TTN: variants seen among roughly 807,000 people sequenced by gnomAD.
TTN encodes the protein connectin.
Under a neutral mutation model 3,223.0 loss-of-function variants are expected in TTN, and 1,525 were observed. That is an observed-to-expected ratio of 0.47 (90% CI 0.45 to 0.49). The LOEUF (loss-of-function observed/expected upper bound fraction) is 0.49, where lower values mean the gene tolerates loss of function less well. Ranked by LOEUF, TTN falls within the 20% of genes least tolerant of loss-of-function variation. The pLI is 0.00. For synonymous variants in TTN, 14,094 were observed against 15,161.0 expected, an observed-to-expected ratio of 0.93 and a Z score of 5.17; for missense variants, 40,786 against 43,424.0, an observed-to-expected ratio of 0.94 and a Z score of 5.40.
chr2:178,789,503 T>A lies in TTN; in HGVS notation c.1939-6A>T. 1.2e-6 allele frequency: 2 copies of A among 1,613,072 alleles called. No individual in the cohort carries two copies. Among genetic ancestry groups the A allele is most frequent in the Non-Finnish European group, 8.5e-7 (1 of 1,179,372 alleles). On this transcript the variant is annotated splice_region_variant and splice_polypyrimidine_tract_variant and intron_variant, in intron 12 of 362. Transcript: ENST00000589042. Reference sequence around the variant, plus strand: ...TTCTCGGCTTCCTTTCTCATCTGATTATTACAGTAAAATCAAGATTTAAGT... The same window carrying A: ...TTCTCGGCTTCCTTTCTCATCTGATAATTACAGTAAAATCAAGATTTAAGT...
Position 178,550,006 on chromosome 2 carries a change from T to G in TTN, c.91832A>C (p.Glu30611Ala). Reference sequence around the variant, plus strand: ...AGTACCTTGTACTTTCACTTTAATTTCTGCTTTTGCAGAACCAGATGCATT... The same window carrying G: ...AGTACCTTGTACTTTCACTTTAATTGCTGCTTTTGCAGAACCAGATGCATT... ...AKNASGSAKAEIKVKVQDTPG... is the reference protein window; with the variant it reads ...AKNASGSAKAAIKVKVQDTPG... Residue 30611 changes from glutamate to alanine, a missense_variant, in exon 337 of 363, where the codon GAA becomes GCA. By Grantham distance (107) the Glu-to-Ala change is moderately radical. Transcript: ENST00000589042. The G allele has an allele frequency of 6.2e-7, 1 of 1,608,590 alleles. No individual in the cohort carries two copies. Among genetic ancestry groups the G allele is most frequent in the Non-Finnish European group, 8.5e-7 (1 of 1,176,044 alleles).
In TTN at chr2:178,641,272, A is replaced by G; in HGVS notation, c.40602T>C (p.Pro13534=). The change falls in exon 220 of 363, where the codon CCT becomes CCC. Residue 13534 remains proline (P), a synonymous_variant. Transcript: ENST00000589042. ...RPEEEEPKVE[P]KKLEKVKKPA... is the part of the protein sequence containing the mutation. Reference sequence around the variant, plus strand: ...GTTTTTTAACTTTTTCTAGTTTTTTAGGTTCTACTTTAGGTTCTTCTTCTT... The same window carrying G: ...GTTTTTTAACTTTTTCTAGTTTTTTGGGTTCTACTTTAGGTTCTTCTTCTT... 1 of 1,512,542 alleles carries G rather than the reference A, an allele frequency of 6.6e-7. No individual in the cohort carries two copies. The highest frequency in any genetic ancestry group is 8.8e-7 in the Non-Finnish European group (1 of 1,132,134). 93.7% of individuals were successfully genotyped at this position (1,512,542 alleles called of 1,614,324 possible). A position where few individuals can be genotyped will look rare whatever the true frequency, so the allele number is the denominator to read the frequency against.
Position 178,590,253 on chromosome 2 carries a change from C to G in TTN, c.61472G>C (p.Gly20491Ala). Reference sequence around the variant, plus strand: ...TCGAGCTAGAATGCGGATAGTTTGGCCTACTCTCACGGTAATAACATCACG... The same window carrying G: ...TCGAGCTAGAATGCGGATAGTTTGGGCTACTCTCACGGTAATAACATCACG... ...TCRDVITVRV[G>A]QTIRILARVK... The change falls in exon 304 of 363, where the codon GGC becomes GCC. Residue 20491 changes from glycine to alanine, a missense_variant. By Grantham distance (60) the Gly-to-Ala change is moderately conservative. Transcript: ENST00000589042. 6.3e-7 allele frequency: 1 copy of G among 1,583,306 alleles called. No homozygotes were observed. The highest frequency in any genetic ancestry group is 8.6e-7 in the Non-Finnish European group (1 of 1,165,038).
At chr2:178,554,308 TTTTA>T (rs1003506799) in intron 332 of TTN, 92 bp from the exon 333 acceptor site, 7 of 1,445,720 alleles carry the variant, frequency 4.8e-6, no homozygotes, top group East Asian at 2.3e-5. Context: ...AGAACATTGG[TTTTA>T]TTTTTTATAT....
rs375958762 is a variant in TTN, at chr2:178,573,221, C to T, written c.72911G>A (p.Gly24304Glu). Residue 24304 changes from glycine to glutamate, a missense_variant, in exon 326 of 363, where the codon GGA (glycine) becomes GAA (glutamate). By Grantham distance (98) the Gly-to-Glu change is moderately conservative. Coordinates refer to ENST00000589042, the MANE Select transcript of TTN (RefSeq NM_001267550.2). ...ACTGGTAGGACTTGGTGCACTAATT[C>T]CAGCAGCATTTTCAGCCATAATCCT... ...EFRIMAENAA[G>E]ISAPSPTSPF... is the part of the protein sequence containing the mutation. The T allele has an allele frequency of 6.2e-7, 1 of 1,606,586 alleles. No homozygotes were observed. The highest frequency in any genetic ancestry group is 8.5e-7 in the Non-Finnish European group (1 of 1,175,354).
chr2:178,633,597 C>A lies in TTN; in HGVS notation c.42762G>T (p.Val14254=), dbSNP rs747807093. Residue 14254 remains valine (V), a synonymous_variant, in exon 232 of 363, where the codon GTG becomes GTT. Transcript: ENST00000589042. ...ACCATTTCACTGGTACATCTTTGCTCACTTCACACTTCAAAGTAATCTCAT... is the reference window on the plus strand; with the variant it reads ...ACCATTTCACTGGTACATCTTTGCTAACTTCACACTTCAAAGTAATCTCAT... ...EKDEITLKCE[V]SKDVPVKWFK... The A allele has an allele frequency of 1.9e-6, 3 of 1,613,302 alleles. No individual in the cohort carries two copies. The highest frequency in any genetic ancestry group is 4.5e-5 in the East Asian group (2 of 44,682).
intron 315 of TTN, 32 bp downstream of exon 315, chr2:178,581,874 A>G: frequency 6.2e-7 from 1 of 1,606,994 alleles, no homozygotes; most frequent in Non-Finnish European, 8.5e-7. Flanking sequence ...TGCTTTTAAC[A>G]CAGGATATGG....
chr2:178,666,931 G>C, intron 162 of TTN, 30 bp from the exon 163 acceptor site: 1 of 1,476,240 alleles, frequency 6.8e-7, no homozygotes, highest in Non-Finnish European at 9.1e-7. Flanking sequence ...TTTTTTAATT[G>C]AGAAAAGGCA....
In TTN at chr2:178,574,185, C is replaced by T; in HGVS notation, c.71947G>A (p.Glu23983Lys). 1.2e-6 allele frequency: 2 copies of T among 1,613,574 alleles called. No homozygotes were observed. The highest frequency in any genetic ancestry group is 1.7e-6 in the Non-Finnish European group (2 of 1,179,658). Residue 23983 changes from glutamate to lysine, a missense_variant, in exon 326 of 363, where the codon GAA (glutamate) becomes AAA (lysine). Physicochemically the swap from Glu to Lys is moderately conservative, Grantham distance 56. Transcript: ENST00000589042. ...TCTGTTAGGCCACTGACTGTAAATT[C>T]ATTCTCCAAAATGTTGCTGAAGTTG... ...KANFSNILEN[E>K]FTVSGLTEDA...
chr2:178,622,598 C>A, intron 243 of TTN, 72 bp downstream of exon 243: 1 of 1,249,304 alleles, frequency 8.0e-7, no homozygotes, highest in Non-Finnish European at 1.1e-6. Flanking sequence ...TTTTTTTTTT[C>A]CATTTTGGCT....
rs11888217 is a variant in TTN, at chr2:178,728,625, C to T, written c.19301G>A (p.Ser6434Asn). 70,797 of 1,613,134 alleles carry T rather than the reference C, an allele frequency of 0.044. 3,330 individuals are homozygous for T. The highest frequency in any genetic ancestry group is 0.17 in the Admixed American group (10,293 of 59,876). The change falls in exon 66 of 363, where the codon AGT (serine) becomes AAT (asparagine). Residue 6434 changes from serine (S) to asparagine (N), a missense_variant. By Grantham distance (46) the Ser-to-Asn change is conservative. Transcript: ENST00000589042. Reference protein sequence around the residue: ...QIVPSRYFSMSFENNVASFRI... With the variant: ...QIVPSRYFSMNFENNVASFRI... ...AAAACTGGCCACGTTATTTTCAAAA[C>T]TCATTGAAAAGTATCTACTGGGAAC...
intron 282 of TTN, among the ~76,000 whole-genome samples, chr2:178,602,795 G>A (rs2053787276): frequency 6.6e-6 from 1 of 151,838 alleles, no homozygotes; most frequent in Non-Finnish European, 1.5e-5. Flanking sequence ...AACAGAGAAA[G>A]CAAACAACTA....
chr2:178,727,889 T>C, intron 67 of TTN, 26 bp from the exon 68 acceptor site: 2 of 1,522,780 alleles, frequency 1.3e-6, no homozygotes, highest in African/African-American at 2.8e-5. Flanking sequence ...GAGATATATT[T>C]AATTAAATTG....
In TTN at chr2:178,568,111, C is replaced by T. The variant is rs786205378; in HGVS notation, c.78021G>A (p.Met26007Ile). 6.2e-7 allele frequency: 1 copy of T among 1,613,330 alleles called. No homozygotes were observed. Among genetic ancestry groups the T allele is most frequent in the Non-Finnish European group, 8.5e-7 (1 of 1,179,574 alleles). Residue 26007 changes from methionine to isoleucine, a missense_variant, in exon 326 of 363, where the codon ATG becomes ATA. By Grantham distance (10) the Met-to-Ile change is conservative. Coordinates refer to ENST00000589042, the MANE Select transcript of TTN (RefSeq NM_001267550.2). ...TGACTGGTTCATGCCACTGTATGAC[C>T]ATGGAGTCTTTGGAAATGGCTGTGG... ...PFATAISKDS[M>I]VIQWHEPVNN...
At position 178,731,465 on chromosome 2, in the gene TTN, G is replaced by A. The variant is rs777677229; in HGVS notation, c.17301C>T (p.Ser5767=). Residue 5767 remains serine, a synonymous_variant, in exon 59 of 363, where the codon AGC becomes AGT. Coordinates refer to ENST00000589042, the MANE Select transcript of TTN (RefSeq NM_001267550.2). ...TATTATCGTCTTCAGTGATTTCATCGCTGTCTTTTAGCCAAGTCACCGTAA... is the reference window on the plus strand; with the variant it reads ...TATTATCGTCTTCAGTGATTTCATCACTGTCTTTTAGCCAAGTCACCGTAA... ...LPITVTWLKD[S]DEITEDDNIR... is the part of the protein sequence containing the mutation. 124 of 1,613,494 alleles carry A rather than the reference G, an allele frequency of 7.7e-5. No homozygotes were observed. Among genetic ancestry groups the A allele is most frequent in the South Asian group, 3.2e-4 (29 of 91,074 alleles).
rs879252955 is a variant in TTN at position 178,777,211 on chromosome 2, G to A, written c.4752C>T (p.Asn1584=). 1 of 1,613,970 alleles carries A rather than the reference G, an allele frequency of 6.2e-7. No individual in the cohort carries two copies. The highest frequency in any genetic ancestry group is 8.5e-7 in the Non-Finnish European group (1 of 1,179,988). ...EMKVRATGNP[N]PDIVWLKNSD... ...TGTTTTTCAACCATACAATGTCAGG[G>A]TTGGGGTTACCCGTAGCTCTGACTT... The change falls in exon 27 of 363, where the codon AAC becomes AAT. Residue 1584 remains asparagine (N), a synonymous_variant. Transcript: ENST00000589042.
At chr2:178,546,969 A>T (rs1575456062) in intron 340 of TTN, 34 bp downstream of exon 340, 2 of 1,589,040 alleles carry the variant, frequency 1.3e-6, no homozygotes, top group East Asian at 2.2e-5. Flanking sequence ...ATCAGTAATA[A>T]TAAACAAATA....
At chr2:178,615,251 G>A (rs1408681364) in intron 259 of TTN, 56 bp downstream of exon 259, 6 of 1,576,346 alleles carry the variant, frequency 3.8e-6, no homozygotes, top group African/African-American at 1.4e-5. Flanking sequence ...CCCCAACAAA[G>A]CCCATTTTAG....
Position 178,561,187 on chromosome 2 carries a change from A to T in TTN, c.84945T>A (p.Thr28315=), listed in dbSNP as rs768116404. The change falls in exon 326 of 363, where the codon ACT becomes ACA. Residue 28315 remains threonine, a synonymous_variant. Transcript: ENST00000589042. ...TNIQETYFEV[T]ELTEDQRYEF... ...CATAACGCTGATCTTCAGTAAGTTCAGTTACTTCAAAGTATGTTTCTTGTA... is the reference window on the plus strand; with the variant it reads ...CATAACGCTGATCTTCAGTAAGTTCTGTTACTTCAAAGTATGTTTCTTGTA... 2.9e-5 allele frequency: 46 copies of T among 1,613,528 alleles called. No individual in the cohort carries two copies. The highest frequency in any genetic ancestry group is 3.4e-5 in the Non-Finnish European group (40 of 1,179,818).
Sources: gnomAD v4.1 joint callset for allele counts (sites outside exome capture counted in the v4.1 genomes callset) on GRCh38, gnomAD v4.1.1 for gene constraint, MANE v1.5 for transcripts, NCBI Gene and HGNC (gene_info 2026-07-23, HGNC 2026-07-21) for gene names.